The following FRY variants were observed in gnomAD, a reference collection of about 807,000 sequenced individuals.
The protein encoded by FRY is protein furry homolog.
In FRY, 128 loss-of-function variants were observed where a neutral mutation model predicts 348.4. The ratio of observed to expected loss-of-function variants is 0.37; its 90% CI spans 0.32 to 0.43. The LOEUF is 0.43. Among genes scored for constraint, FRY ranks in the 20% least tolerant of loss-of-function variants. The probability of loss-of-function intolerance (pLI) is 1.00; values close to 1 mark genes in which losing one functional copy is unlikely to be tolerated. For missense variants in FRY, 2,736 were observed against 3,695.2 expected, an observed-to-expected ratio of 0.74 and a Z score of 6.73; for synonymous variants, 1,370 against 1,374.7, an observed-to-expected ratio of 1.00 and a Z score of 0.08.
At position 32,177,594 on chromosome 13, in the gene FRY, G is replaced by GATAAATAAATAAATAA. The variant is rs71194512; in HGVS notation, c.2422-570_2422-555dup. Among the ~76,000 whole-genome samples, 192 of 147,954 alleles carry GATAAATAAATAAATAA rather than the reference G, an allele frequency of 1.3e-3. 1 individual carries two copies. Among genetic ancestry groups the GATAAATAAATAAATAA allele is most frequent in the African/African-American group, 3.5e-3 (138 of 39,870 alleles). On this transcript the variant is annotated intron_variant, in intron 20 of 60. Transcript: ENST00000542859. Reference sequence around the variant, plus strand: ...GTGTGACAGAGCAAGACTCTGTCTCGATAAATAAATAAATAAATAAATAAA... The same window carrying GATAAATAAATAAATAA: ...GTGTGACAGAGCAAGACTCTGTCTCGATAAATAAATAAATAAATAAATAAATAAATAAATAAATAAA...
At chr13:32,120,755 A>G (rs1423713181) in intron 4 of FRY, among the ~76,000 whole-genome samples, 1 of 152,132 alleles carries the variant, frequency 6.6e-6, no homozygotes, top group Non-Finnish European at 1.5e-5. Context: ...TCCACCTCCC[A>G]GGTTCAAGTG....
chr13:32,120,322 C>G (rs967742184), intron 4 of FRY, among the ~76,000 whole-genome samples: 3 of 152,024 alleles, frequency 2.0e-5, no homozygotes, highest in African/African-American at 7.3e-5. Context: ...ACTTCTTGTG[C>G]CAAGGAGCCC....
At chr13:32,214,899 A>G (rs1648705576) in intron 35 of FRY, among the ~76,000 whole-genome samples, 1 of 152,196 alleles carries the variant, frequency 6.6e-6, no homozygotes, top group Admixed American at 6.5e-5. Context: ...GGGAAGCACC[A>G]TGGAGTTGGA....
chr13:32,228,439 CCTT>C lies in FRY; in HGVS notation c.5207-11_5207-9del, dbSNP rs745933571. 9.4e-6 allele frequency: 15 copies of C among 1,602,512 alleles called. No individual in the cohort carries two copies. In the African/African-American group the frequency reaches 1.5e-4, roughly 16 times the overall value. On this transcript the variant is annotated splice_polypyrimidine_tract_variant and intron_variant, in intron 39 of 60. Transcript: ENST00000542859. ...CACTGCCTAGTACATCCCTCCTTGACCTTCTTCTCCCACCAGGTGGCTTTGACT... is the reference window on the plus strand; with the variant it reads ...CACTGCCTAGTACATCCCTCCTTGACCTTCTCCCACCAGGTGGCTTTGACT...
At chr13:32,085,761 C>A in intron 2 of FRY, 1 of 429,354 alleles carries the variant, frequency 2.3e-6, no homozygotes, top group South Asian at 1.8e-5. Flanking sequence ...TTCACGCAAA[C>A]ATAATGGAGG....
intron 58 of FRY, among the ~76,000 whole-genome samples, chr13:32,282,965 A>G (rs1888883926): frequency 6.6e-6 from 1 of 152,116 alleles, no homozygotes; most frequent in Non-Finnish European, 1.5e-5. Context: ...ACATGGTGAA[A>G]TACCATCTCT....
At chr13:32,258,295 G>C (rs1003512032) in intron 51 of FRY, among the ~76,000 whole-genome samples, 2 of 152,148 alleles carry the variant, frequency 1.3e-5, no homozygotes, top group Admixed American at 6.5e-5. Flanking sequence ...ACAACTGGAT[G>C]GGTTTTATTG....
intron 31 of FRY, among the ~76,000 whole-genome samples, chr13:32,204,932 A>C (rs1217600041): frequency 6.6e-6 from 1 of 152,192 alleles, no homozygotes; most frequent in Non-Finnish European, 1.5e-5. Context: ...AGCCAAGCAC[A>C]GTGGCTTATG....
At chr13:32,037,471 T>C (rs939451247) in intron 1 of FRY, among the ~76,000 whole-genome samples, 14 of 152,192 alleles carry the variant, frequency 9.2e-5, no homozygotes, top group African/African-American at 2.9e-4. Context: ...AGGTATCTCA[T>C]TTACTTGATA....
chr13:32,089,686 A>T (rs1332280399), intron 2 of FRY, among the ~76,000 whole-genome samples: 1 of 152,112 alleles, frequency 6.6e-6, no homozygotes, highest in Admixed American at 6.5e-5. Flanking sequence ...GGACCATTTG[A>T]ATGAGGCTGC....
chr13:32,124,622 A>G lies in FRY; in HGVS notation c.576A>G (p.Ile192Met), dbSNP rs1204362700. Reference protein sequence around the residue: ...VLKQIPLHPVIDSLIHDVINL... With the variant: ...VLKQIPLHPVMDSLIHDVINL... ...TTCAGATTCCACTTCATCCTGTAAT[A>G]GACAGTTTAATACATGATGTTATTA... Residue 192 changes from isoleucine to methionine, a missense_variant, in exon 6 of 61, where the codon ATA (isoleucine) becomes ATG (methionine). This residue lies in a region of FRY where 309 missense variants were observed against 418.1 expected (regional missense o/e 0.74). Transcript: ENST00000542859. 2 of 1,594,376 alleles carry G rather than the reference A, an allele frequency of 1.3e-6. No homozygotes were observed. The highest frequency in any genetic ancestry group is 1.7e-6 in the Non-Finnish European group (2 of 1,162,452).
intron 20 of FRY, 43 bp from the exon 21 acceptor site, chr13:32,178,134 T>A (rs931338087): frequency 6.2e-7 from 1 of 1,610,596 alleles, no homozygotes; most frequent in African/African-American, 1.3e-5. Context: ...GATGGATAAC[T>A]TCAGTTCGGG....
intron 48 of FRY, among the ~76,000 whole-genome samples, chr13:32,248,333 G>T: frequency 6.6e-6 from 1 of 152,062 alleles, no homozygotes; most frequent in Admixed American, 6.6e-5. Context: ...GTTGAACAAA[G>T]AGAATACATG....
intron 58 of FRY, among the ~76,000 whole-genome samples, chr13:32,284,340 C>T (rs1210557359): frequency 2.0e-5 from 3 of 152,176 alleles, no homozygotes; most frequent in African/African-American, 7.2e-5. Context: ...AGCCTACAAC[C>T]TCTGTTCTTA....
At chr13:32,224,014 G>A (rs1885452500) in intron 36 of FRY, among the ~76,000 whole-genome samples, 1 of 152,054 alleles carries the variant, frequency 6.6e-6, no homozygotes, top group Non-Finnish European at 1.5e-5. Flanking sequence ...TGGGATTACA[G>A]GCATGAGCCA....
chr13:32,214,352 C>T (rs754388630), intron 35 of FRY, among the ~76,000 whole-genome samples: 1 of 152,216 alleles, frequency 6.6e-6, no homozygotes. Context: ...GTCCAACCTG[C>T]GGCCCACAGG....
intron 36 of FRY, among the ~76,000 whole-genome samples, chr13:32,221,014 T>C (rs1347307569): frequency 1.3e-5 from 2 of 152,232 alleles, no homozygotes; most frequent in Non-Finnish European, 2.9e-5. Context: ...CATAGAATTA[T>C]AGGGTTCTGG....
chr13:32,211,431 C>A (rs561462986), intron 34 of FRY, among the ~76,000 whole-genome samples: 1 of 152,200 alleles, frequency 6.6e-6, no homozygotes, highest in Non-Finnish European at 1.5e-5. Flanking sequence ...TATACTCCAG[C>A]TTGGGCGACA....
intron 50 of FRY, 37 bp downstream of exon 50, chr13:32,251,989 A>G (rs751329944): frequency 3.1e-5 from 42 of 1,359,940 alleles, no homozygotes; most frequent in East Asian, 6.9e-5. Context: ...TTTTGGTGTC[A>G]TATCTCCTTT....
Sources: allele counts gnomAD v4.1 joint callset (sites outside exome capture counted in the v4.1 genomes callset), GRCh38; gene constraint gnomAD v4.1.1; regional missense constraint gnomAD v4.1.1; transcripts MANE v1.5; gene names NCBI Gene and HGNC (gene_info 2026-07-23, HGNC 2026-07-21).